The following SI variants were observed in gnomAD, a reference collection of about 807,000 sequenced individuals.
The protein encoded by SI is sucrase-isomaltase, intestinal.
In SI, 235 loss-of-function variants were observed where a neutral mutation model predicts 253.3. The ratio of observed to expected loss-of-function variants is 0.93; its 90% CI spans 0.83 to 1.03. SI has a LOEUF of 1.03. SI is among the 50% of genes least tolerant of loss of function. The probability of loss-of-function intolerance (pLI) is 0.00; values close to 1 mark genes in which losing one functional copy is unlikely to be tolerated. For missense variants in SI, 2,442 were observed against 2,211.1 expected (o/e 1.10, Z -2.09); for synonymous variants, 819 against 712.0 (o/e 1.15, Z -2.39).
At chr3:165,037,782 T>G (rs1339591506) in intron 21 of SI, 118 bp downstream of exon 21, 1 of 724,212 alleles carries the variant, frequency 1.4e-6, no homozygotes, top group East Asian at 2.8e-5. Flanking sequence ...GTATTACCTC[T>G]GTATGTCAAA....
chr3:165,074,666 T>A lies in SI; in HGVS notation c.120A>T (p.Glu40Asp). The A allele has an allele frequency of 6.2e-7, 1 of 1,608,330 alleles. No homozygotes were observed. The highest frequency in any genetic ancestry group is 8.5e-7 in the Non-Finnish European group (1 of 1,175,752). The change falls in exon 3 of 48, where the codon GAA becomes GAT. Residue 40 changes from glutamate to aspartate, a missense_variant and splice_region_variant. Physicochemically the swap from Glu to Asp is conservative, Grantham distance 45 (BLOSUM62 2). Transcript: ENST00000264382. ...CTGGAGTTGAAGTAGAATCACTAAT[T>A]TCTGGGGGAGGAAAAAACTCAATAA... ...VLATKTPAVDEISDSTSTPAT... is the reference protein window; with the variant it reads ...VLATKTPAVDDISDSTSTPAT...
rs745442311 is a variant in SI, at chr3:165,067,505, A to T, written c.484-14T>A. The stretch of plus-strand genomic sequence containing the variant: ...TGGATCAGTAATCTGGAAAGATTTA[A>T]GCAAGGTAGCATTACTGGATTCTAA... On this transcript the variant is annotated splice_polypyrimidine_tract_variant and intron_variant, in intron 5 of 47. Coordinates refer to ENST00000264382, the MANE Select transcript of SI (RefSeq NM_001041.4). 2 of 1,595,158 alleles carry T rather than the reference A, an allele frequency of 1.3e-6. No individual in the cohort carries two copies. The highest frequency in any genetic ancestry group is 1.7e-6 in the Non-Finnish European group (2 of 1,163,398).
chr3:165,006,724 G>A, intron 37 of SI, 92 bp downstream of exon 37: 1 of 1,111,314 alleles, frequency 9.0e-7, no homozygotes, highest in African/African-American at 1.6e-5. Context: ...AGAGATACAA[G>A]AGAAGATTGT....
intron 21 of SI, 135 bp from the exon 22 acceptor site, chr3:165,036,612 G>T: frequency 1.7e-6 from 1 of 579,856 alleles, no homozygotes; most frequent in Non-Finnish European, 3.1e-6. Context: ...CAATAAATTT[G>T]TATTTATATG....
In SI at chr3:165,067,395, C is replaced by T. The variant is rs371768147; in HGVS notation, c.580G>A (p.Val194Ile). 15 of 1,612,708 alleles carry T rather than the reference C, an allele frequency of 9.3e-6. No individual in the cohort carries two copies. The highest frequency in any genetic ancestry group is 3.3e-5 in the South Asian group (3 of 90,982). Residue 194 changes from valine (V) to isoleucine (I), a missense_variant, in exon 6 of 48, where the codon GTT becomes ATT. By Grantham distance (29) the Val-to-Ile change is conservative. Coordinates refer to ENST00000264382, the MANE Select transcript of SI (RefSeq NM_001041.4). ...TGGATGCTAAATGGGTTTTGGGCAA[C>T]CTTCACATCATACAACGTATCAGAA... is the stretch of plus-strand genomic sequence containing the variant. ...TVSDTLYDVK[V>I]AQNPFSIQVI...
chr3:165,011,572 T>C (rs1390404408), intron 34 of SI, among the ~76,000 whole-genome samples: 1 of 152,088 alleles, frequency 6.6e-6, no homozygotes, highest in African/African-American at 2.4e-5. Context: ...GAAGAATGTA[T>C]ATATGGCTGC....
At chr3:165,080,063 C>A (rs758859078), upstream of SI, among the ~76,000 whole-genome samples, 3 of 151,926 alleles carry the variant, frequency 2.0e-5, no homozygotes, top group Non-Finnish European at 4.4e-5. Context: ...TTTCCCCAAA[C>A]TGGAAACAAC....
chr3:165,035,894 G>C (rs1443274829), intron 22 of SI, among the ~76,000 whole-genome samples: 1 of 151,638 alleles, frequency 6.6e-6, no homozygotes, highest in Admixed American at 6.6e-5. Flanking sequence ...GAATTCCCAA[G>C]TTTGGAGCTC....
chr3:164,991,456 C>T lies in SI; in HGVS notation c.5005G>A (p.Gly1669Arg), dbSNP rs1717730695. Residue 1669 changes from glycine to arginine, a missense_variant, in exon 44 of 48, where the codon GGA becomes AGA. By Grantham distance (125) the Gly-to-Arg change is moderately radical. Transcript: ENST00000264382. ...YHTGKDIGVR[G>R]QFQTFNASYD... ...GAAGCATTAAATGTTTGAAATTGTC[C>T]TCTGACGCCAATATCTTTGCCCTGG... is the stretch of plus-strand genomic sequence containing the variant. 6.2e-7 allele frequency: 1 copy of T among 1,613,540 alleles called. No individual in the cohort carries two copies. Among genetic ancestry groups the T allele is most frequent in the Non-Finnish European group, 8.5e-7 (1 of 1,179,656 alleles).
intron 45 of SI, among the ~76,000 whole-genome samples, chr3:164,984,674 C>G (rs910781053): frequency 6.6e-6 from 1 of 152,016 alleles, no homozygotes; most frequent in Non-Finnish European, 1.5e-5. Flanking sequence ...CTTTATTAAT[C>G]AAGAATGGTT....
At chr3:165,084,610 A>T in the SI span, among the ~76,000 whole-genome samples, 2 of 151,982 alleles carry the variant, frequency 1.3e-5, no homozygotes, top group Non-Finnish European at 2.9e-5. Context: ...AATATTATAA[A>T]TATAATTGAA....
At chr3:165,016,868 A>T (rs1719056456) in intron 31 of SI, among the ~76,000 whole-genome samples, 1 of 151,918 alleles carries the variant, frequency 6.6e-6, no homozygotes, top group Non-Finnish European at 1.5e-5. Context: ...TTAATTTCCC[A>T]TACTAGTTAT....
At chr3:165,004,761 C>T (rs1363151366) in intron 37 of SI, among the ~76,000 whole-genome samples, 2 of 152,024 alleles carry the variant, frequency 1.3e-5, no homozygotes, top group Non-Finnish European at 2.9e-5. Flanking sequence ...AAACATTGAA[C>T]TCATGAATAT....
intron 3 of SI, among the ~76,000 whole-genome samples, chr3:165,071,300 T>C (rs1038618362): frequency 1.3e-5 from 2 of 151,946 alleles, no homozygotes; most frequent in African/African-American, 4.8e-5. Flanking sequence ...TTTTGATACT[T>C]GTTATTTATG....
intron 44 of SI, among the ~76,000 whole-genome samples, chr3:164,990,977 A>G (rs901802619): frequency 6.6e-6 from 1 of 150,886 alleles, no homozygotes; most frequent in African/African-American, 2.5e-5. Context: ...GTCCAATATA[A>G]AAAAGATAAT....
At chr3:165,045,541 A>T (rs1375997210) in intron 16 of SI, among the ~76,000 whole-genome samples, 1 of 151,524 alleles carries the variant, frequency 6.6e-6, no homozygotes, top group Non-Finnish European at 1.5e-5. Context: ...GTATTTTAAA[A>T]TTTTTCCTCT....
At position 165,030,669 on chromosome 3, in the gene SI, A is replaced by G. The variant is rs778303054; in HGVS notation, c.2892+43T>C. On this transcript the variant is annotated intron_variant, in intron 25 of 47. Transcript: ENST00000264382. ...ATGTAAAATTTGCACCAAAATGCTT[A>G]TGTGATAACCATATCATGAGTAATA... The G allele has an allele frequency of 7.1e-5, 112 of 1,585,162 alleles. No individual in the cohort carries two copies. In the East Asian group the frequency reaches 2.5e-3, roughly 35 times the overall value.
chr3:165,055,010 T>C (rs754307462), intron 13 of SI, among the ~76,000 whole-genome samples, 184 bp downstream of exon 13: 5 of 152,192 alleles, frequency 3.3e-5, no homozygotes, highest in Non-Finnish European at 5.9e-5. Context: ...TTTTTTGTTT[T>C]GTTTTGTTTT....
intron 21 of SI, 92 bp downstream of exon 21, chr3:165,037,808 A>G (rs954338248): frequency 1.3e-5 from 12 of 924,920 alleles, no homozygotes; most frequent in Admixed American, 1.2e-4. Flanking sequence ...TCTGGTGCAG[A>G]AACTAAATAT....
Sources: allele counts gnomAD v4.1 joint callset (sites outside exome capture counted in the v4.1 genomes callset), GRCh38; gene constraint gnomAD v4.1.1; transcripts MANE v1.5; gene names NCBI Gene and HGNC (gene_info 2026-07-23, HGNC 2026-07-21).